The following CAST variants were observed in gnomAD, a reference collection of about 807,000 sequenced individuals.
CAST encodes calpastatin.
Under a neutral mutation model 119.6 loss-of-function variants are expected in CAST, and 76 were observed. The observed-to-expected ratio is 0.64, with a 90% confidence interval of 0.53 to 0.77. The LOEUF (loss-of-function observed/expected upper bound fraction) is 0.77. Among genes scored for constraint, CAST ranks in the 30% least tolerant of loss-of-function variants. The pLI is 0.00. For synonymous variants in CAST, 319 were observed against 331.6 expected, an observed-to-expected ratio of 0.96 and a Z score of 0.41; for missense variants, 953 against 946.5, an observed-to-expected ratio of 1.01 and a Z score of -0.09.
chr5:96,475,523 T>C, the CAST span, among the ~76,000 whole-genome samples: 3 of 152,262 alleles, frequency 2.0e-5, no homozygotes, highest in East Asian at 5.8e-4. Context: ...TCCTGTGAAA[T>C]AGTACAAGGA....
At chr5:96,248,955 G>GA in the CAST span, among the ~76,000 whole-genome samples, 1 of 152,136 alleles carries the variant, frequency 6.6e-6, no homozygotes, top group African/African-American at 2.4e-5. Flanking sequence ...GAGAAGGTTT[G>GA]GCCTTCTGTT....
At chr5:96,493,184 A>C in the CAST span, among the ~76,000 whole-genome samples, 1 of 152,236 alleles carries the variant, frequency 6.6e-6, no homozygotes, top group Non-Finnish European at 1.5e-5. Flanking sequence ...GAAGTCACAG[A>C]TTCCTACATG....
the CAST span, among the ~76,000 whole-genome samples, chr5:96,142,215 G>C: frequency 2.6e-5 from 4 of 152,268 alleles, no homozygotes; most frequent in Non-Finnish European, 5.9e-5. Context: ...GTTCGAGACA[G>C]CATGGCCAAC....
intron 9 of CAST, among the ~76,000 whole-genome samples, chr5:96,732,125 T>C (rs1760655150): frequency 7.2e-6 from 1 of 139,052 alleles, no homozygotes. Flanking sequence ...ACCAACAGTG[T>C]AAAAGTGTTC....
chr5:95,981,419 C>T, the CAST span, among the ~76,000 whole-genome samples: 1 of 152,082 alleles, frequency 6.6e-6, no homozygotes, highest in African/African-American at 2.4e-5. Context: ...ACTTTTATTT[C>T]TTGTATAACA....
chr5:96,707,503 T>C (rs190677426), intron 3 of CAST, among the ~76,000 whole-genome samples: 20 of 152,156 alleles, frequency 1.3e-4, no homozygotes, highest in African/African-American at 4.8e-4. Flanking sequence ...TCTCCTGCCT[T>C]AGCTTCCTGA....
At chr5:96,258,772 G>T in the CAST span, among the ~76,000 whole-genome samples, 1 of 151,924 alleles carries the variant, frequency 6.6e-6, no homozygotes, top group South Asian at 2.1e-4. Flanking sequence ...GTTTCATAAT[G>T]AATTCATCTA....
chr5:96,117,239 T>C, the CAST span, among the ~76,000 whole-genome samples: 1 of 152,238 alleles, frequency 6.6e-6, no homozygotes, highest in Non-Finnish European at 1.5e-5. Flanking sequence ...CACAGAGATT[T>C]TATTCTAGAA....
chr5:96,647,094 A>T (rs2150204310), intron 1 of CAST, among the ~76,000 whole-genome samples: 1 of 152,260 alleles, frequency 6.6e-6, no homozygotes, highest in Middle Eastern at 3.4e-3. Flanking sequence ...CATGTTTGTG[A>T]TGGAGTTAGG....
At chr5:96,054,939 G>A in the CAST span, among the ~76,000 whole-genome samples, 1 of 152,092 alleles carries the variant, frequency 6.6e-6, no homozygotes. Flanking sequence ...CTCAGTGGGT[G>A]GATGGATTAA....
At chr5:96,396,003 C>T in the CAST span, among the ~76,000 whole-genome samples, 1 of 152,080 alleles carries the variant, frequency 6.6e-6, no homozygotes, top group Non-Finnish European at 1.5e-5. Context: ...AAATAAATCC[C>T]ACCTTGGTAA....
the CAST span, among the ~76,000 whole-genome samples, chr5:96,497,048 C>T: frequency 2.3e-5 from 3 of 128,374 alleles, no homozygotes; most frequent in South Asian, 8.5e-4. Context: ...GTGTGATGCT[C>T]CCCTTCCTGT....
chr5:96,329,320 T>TA, the CAST span, among the ~76,000 whole-genome samples: 1 of 152,262 alleles, frequency 6.6e-6, no homozygotes, highest in South Asian at 2.1e-4. Context: ...CTTCTCTTAA[T>TA]ATTTTGACTC....
the CAST span, among the ~76,000 whole-genome samples, chr5:96,297,504 T>TG: frequency 1.3e-5 from 2 of 152,118 alleles, no homozygotes; most frequent in Non-Finnish European, 2.9e-5. Context: ...CATCCCAACC[T>TG]AGATGCTTGA....
chr5:96,050,434 G>T, the CAST span, among the ~76,000 whole-genome samples: 1 of 152,014 alleles, frequency 6.6e-6, no homozygotes, highest in African/African-American at 2.4e-5. Context: ...ACCAGAAAAG[G>T]GGGGGTCAAT....
the CAST span, among the ~76,000 whole-genome samples, chr5:96,491,860 A>G: frequency 3.9e-5 from 6 of 152,248 alleles, no homozygotes; most frequent in African/African-American, 1.4e-4. Flanking sequence ...TCTCTCAAAC[A>G]TAATTGGCGA....
chr5:96,001,850 C>T, the CAST span, among the ~76,000 whole-genome samples: 1 of 152,196 alleles, frequency 6.6e-6, no homozygotes, highest in Non-Finnish European at 1.5e-5. Flanking sequence ...TGAATATTCT[C>T]TTATTCTTAA....
chr5:96,586,807 CAATT>C (rs1746869326), intron 1 of CAST, among the ~76,000 whole-genome samples: 1 of 152,190 alleles, frequency 6.6e-6, no homozygotes, highest in Non-Finnish European at 1.5e-5. Context: ...GTTGAGAAGA[CAATT>C]AATAATCTTA....
the CAST span, among the ~76,000 whole-genome samples, chr5:96,356,927 T>C: frequency 6.6e-6 from 1 of 152,230 alleles, no homozygotes; most frequent in African/African-American, 2.4e-5. Flanking sequence ...GTGGGCAGTA[T>C]GGCCATTTTC....
Sources: gnomAD v4.1 joint callset for allele counts (sites outside exome capture counted in the v4.1 genomes callset) on GRCh38, gnomAD v4.1.1 for gene constraint, MANE v1.5 for transcripts, NCBI Gene and HGNC (gene_info 2026-07-23, HGNC 2026-07-21) for gene names.